The following FRMD4A variants were observed in gnomAD, a reference collection of about 807,000 sequenced individuals.
FRMD4A encodes FERM domain containing 4A.
Under a neutral mutation model 129.1 loss-of-function variants are expected in FRMD4A, and 29 were observed. The observed-to-expected ratio is 0.22, with a 90% CI of 0.17 to 0.31. The LOEUF (loss-of-function observed/expected upper bound fraction) is 0.31, where lower values mean the gene tolerates loss of function less well. Among genes scored for constraint, FRMD4A ranks in the 10% least tolerant of loss-of-function variants. The pLI is 1.00. For synonymous variants in FRMD4A, 634 were observed against 571.6 expected (o/e 1.11, Z -1.56); for missense variants, 1,272 against 1,375.8 (o/e 0.92, Z 1.19).
chr10:13,915,375 C>T (rs956311728), intron 2 of FRMD4A, among the ~76,000 whole-genome samples: 7 of 151,488 alleles, frequency 4.6e-5, no homozygotes, highest in Non-Finnish European at 1.0e-4. Context: ...GGTCAGGAAG[C>T]GGGGCTTAAA....
chr10:13,904,661 C>T (rs929610757), intron 2 of FRMD4A, among the ~76,000 whole-genome samples: 1 of 152,078 alleles, frequency 6.6e-6, no homozygotes, highest in African/African-American at 2.4e-5. Flanking sequence ...GATCAGAACC[C>T]AATAGATTTT....
rs71388139 is a variant in FRMD4A, at chr10:13,955,112, C to CTTTTTTTTTTTTTTTTTTTTTT, written c.46-96201_46-96200insAAAAAAAAAAAAAAAAAAAAAA. Among the ~76,000 whole-genome samples the CTTTTTTTTTTTTTTTTTTTTTT allele has an allele frequency of 2.7e-4, 28 of 102,954 alleles. 3 individuals are homozygous for CTTTTTTTTTTTTTTTTTTTTTT. The highest frequency in any genetic ancestry group is 3.8e-4 in the Admixed American group (3 of 7,824). 67.5% of individuals were successfully genotyped at this position (102,954 alleles called of 152,430 possible). ...TTCCAACCCCATGTTAATAATTCTGCTTTTTTTTTTTTTGAGACGGAGTAT... is the reference window on the plus strand; with the variant it reads ...TTCCAACCCCATGTTAATAATTCTGCTTTTTTTTTTTTTTTTTTTTTTTTTTTTTTTTTTTGAGACGGAGTAT... On this transcript the variant is annotated intron_variant, in intron 2 of 24. Transcript: ENST00000357447.
chr10:13,901,608 C>CA (rs35890520), intron 2 of FRMD4A, among the ~76,000 whole-genome samples: 2,766 of 120,726 alleles, frequency 0.023, 89 homozygotes, highest in East Asian at 0.19. Flanking sequence ...GACTTCATCT[C>CA]AAAAAAAAAA....
At chr10:14,234,350 A>G (rs1843731507) in intron 2 of FRMD4A, among the ~76,000 whole-genome samples, 1 of 152,230 alleles carries the variant, frequency 6.6e-6, no homozygotes, top group African/African-American at 2.4e-5. Flanking sequence ...CCAAAACATC[A>G]GAGACCAACT....
chr10:13,685,638 C>T (rs945494493), intron 15 of FRMD4A: 32 of 984,486 alleles, frequency 3.3e-5, no homozygotes, highest in Admixed American at 3.1e-4. Flanking sequence ...GAGAAACGCT[C>T]GTGGGAAGTG....
At chr10:13,942,047 G>T (rs1430583034) in intron 2 of FRMD4A, among the ~76,000 whole-genome samples, 1 of 152,152 alleles carries the variant, frequency 6.6e-6, no homozygotes, top group Non-Finnish European at 1.5e-5. Context: ...GGTGTGGGAA[G>T]GTGTGGTTTT....
chr10:13,959,693 G>T (rs944439206), intron 2 of FRMD4A, among the ~76,000 whole-genome samples: 6 of 152,074 alleles, frequency 3.9e-5, no homozygotes, highest in African/African-American at 1.4e-4. Flanking sequence ...TGAAAATGAG[G>T]CCACTCCAAG....
chr10:13,921,756 C>T (rs796874954), intron 2 of FRMD4A, among the ~76,000 whole-genome samples: 16 of 152,256 alleles, frequency 1.1e-4, no homozygotes, highest in African/African-American at 3.1e-4. Context: ...TAGTGAGAGA[C>T]GGAACTGCAA....
intron 9 of FRMD4A, 103 bp downstream of exon 9, chr10:13,747,633 G>C (rs1427364179): frequency 1.5e-6 from 1 of 665,794 alleles, no homozygotes; most frequent in African/African-American, 1.8e-5. Flanking sequence ...GCAAGTCCAG[G>C]CTGGCACGTG....
rs1385758579 is a variant in FRMD4A, at chr10:13,899,427, T to A, written c.46-40515A>T. Among the ~76,000 whole-genome samples the A allele has an allele frequency of 2.0e-5, 3 of 152,326 alleles. No homozygotes were observed. In the South Asian group the frequency reaches 6.2e-4, roughly 32 times the overall value. ...TGCTAGAGCTTTCCAAACTTTAATT[T>A]AATCATCATGGGATTCCTATGAGGT... On this transcript the variant is annotated intron_variant, in intron 2 of 24. Coordinates refer to ENST00000357447, the MANE Select transcript of FRMD4A (RefSeq NM_018027.5).
intron 3 of FRMD4A, among the ~76,000 whole-genome samples, chr10:13,856,498 G>A (rs964405370): frequency 2.0e-5 from 3 of 152,226 alleles, no homozygotes; most frequent in Non-Finnish European, 2.9e-5. Flanking sequence ...TCACAGCGAG[G>A]TGTGGCCATG....
chr10:14,001,909 C>A (rs753075340), intron 2 of FRMD4A, among the ~76,000 whole-genome samples: 1 of 152,174 alleles, frequency 6.6e-6, no homozygotes, highest in African/African-American at 2.4e-5. Flanking sequence ...TTTTTGGTAA[C>A]GTCTCACACT....
At chr10:13,916,182 A>G (rs2095002242) in intron 2 of FRMD4A, among the ~76,000 whole-genome samples, 1 of 152,148 alleles carries the variant, frequency 6.6e-6, no homozygotes, top group African/African-American at 2.4e-5. Context: ...TGAAGTCTTT[A>G]GGTTTCATTC....
chr10:13,911,613 A>T (rs2094941451), intron 2 of FRMD4A, among the ~76,000 whole-genome samples: 1 of 152,136 alleles, frequency 6.6e-6, no homozygotes, highest in Admixed American at 6.6e-5. Context: ...CCCCAGCTGG[A>T]GTGCATGGCA....
chr10:13,691,969 A>C (rs910590401), intron 15 of FRMD4A, among the ~76,000 whole-genome samples: 1 of 152,070 alleles, frequency 6.6e-6, no homozygotes. Flanking sequence ...CATTCTCTGC[A>C]GTCTTCATGG....
intron 23 of FRMD4A, among the ~76,000 whole-genome samples, chr10:13,652,675 G>A (rs911608384): frequency 2.6e-5 from 4 of 152,190 alleles, no homozygotes; most frequent in Non-Finnish European, 5.9e-5. Context: ...GCAGACACAG[G>A]AACACCGAGC....
In FRMD4A at chr10:13,646,873, T is replaced by G; in HGVS notation, c.*165A>C. On this transcript the variant is annotated 3_prime_UTR_variant, in exon 25 of 25. Coordinates refer to ENST00000357447, the MANE Select transcript of FRMD4A (RefSeq NM_018027.5). ...TGACGGTGCGTCTGGGTAAGGCAAA[T>G]GAGAGGCAGTGAGGTGATCTCAGAA... 1 of 332,524 alleles carries G rather than the reference T, an allele frequency of 3.0e-6. No homozygotes were observed. The highest frequency in any genetic ancestry group is 4.3e-6 in the Non-Finnish European group (1 of 232,204). 20.6% of individuals were successfully genotyped at this position (332,524 alleles called of 1,614,324 possible). A position where few individuals can be genotyped will look rare whatever the true frequency, so the allele number is the denominator to read the frequency against.
intron 2 of FRMD4A, among the ~76,000 whole-genome samples, chr10:14,139,589 A>T (rs1019138186): frequency 6.6e-6 from 1 of 152,076 alleles, no homozygotes; most frequent in East Asian, 1.9e-4. Context: ...AGCTGGGACC[A>T]CAAGTGCATA....
intron 12 of FRMD4A, among the ~76,000 whole-genome samples, chr10:13,715,249 G>A (rs767078422): frequency 1.8e-4 from 27 of 151,934 alleles, no homozygotes; most frequent in Non-Finnish European, 2.9e-4. Context: ...TCTTAGCTTC[G>A]TCCTCTCTAA....
Sources: gnomAD v4.1 joint callset for allele counts (sites outside exome capture counted in the v4.1 genomes callset) on GRCh38, gnomAD v4.1.1 for gene constraint, MANE v1.5 for transcripts, NCBI Gene and HGNC (gene_info 2026-07-23, HGNC 2026-07-21) for gene names.